PPP4R3A: variants seen among roughly 807,000 people sequenced by gnomAD.
PPP4R3A encodes serine/threonine-protein phosphatase 4 regulatory subunit 3A.
In PPP4R3A, 15 loss-of-function variants were observed where a neutral mutation model predicts 91.7. That is an observed-to-expected ratio of 0.16 (90% CI 0.11 to 0.25). PPP4R3A has a LOEUF of 0.25. PPP4R3A is among the 10% of genes least tolerant of loss of function. The pLI, the probability that PPP4R3A is intolerant of heterozygous loss-of-function variation, is 1.00. For synonymous variants in PPP4R3A, 377 were observed against 348.7 expected (o/e 1.08, Z -0.91); for missense variants, 623 against 998.4 (o/e 0.62, Z 5.07).
intron 1 of PPP4R3A, among the ~76,000 whole-genome samples, chr14:91,496,310 G>GT (rs1196554530): frequency 2.0e-5 from 3 of 152,072 alleles, no homozygotes; most frequent in African/African-American, 4.8e-5. Context: ...CAATTCAAAA[G>GT]TTTTTTTAAG....
At chr14:91,496,659 T>C (rs1424873405) in intron 1 of PPP4R3A, among the ~76,000 whole-genome samples, 1 of 152,182 alleles carries the variant, frequency 6.6e-6, no homozygotes, top group East Asian at 1.9e-4. Context: ...ATTCAGGATA[T>C]TAGAGGGAAG....
chr14:91,490,718 C>A, intron 2 of PPP4R3A, 29 bp downstream of exon 2: 2 of 1,576,596 alleles, frequency 1.3e-6, no homozygotes, highest in Non-Finnish European at 1.7e-6. Flanking sequence ...GGAAAATATG[C>A]AAGATAAAAC....
chr14:91,495,303 T>TGTGTGTGTGTGTGTGTGTGTGG (rs1890474086), intron 1 of PPP4R3A, among the ~76,000 whole-genome samples: 1 of 8,546 alleles, frequency 1.2e-4, no homozygotes, highest in African/African-American at 6.6e-4. Context: ...AGATACATAA[T>TGTGTGTGTGTGTGTGTGTGTGG]GTGTGTGTGT....
At chr14:91,471,129 T>G in intron 9 of PPP4R3A, 134 bp from the exon 10 acceptor site, 1 of 772,474 alleles carries the variant, frequency 1.3e-6, no homozygotes. Context: ...AGGAGGAAAT[T>G]AGCATTTACT....
At chr14:91,484,696 G>T (rs1595070780) in intron 3 of PPP4R3A, among the ~76,000 whole-genome samples, 1 of 152,188 alleles carries the variant, frequency 6.6e-6, no homozygotes, top group South Asian at 2.1e-4. Flanking sequence ...GCTAGTCTCA[G>T]AATTTGCATT....
At chr14:91,509,437 G>GC (rs923680378) in intron 1 of PPP4R3A, 69 bp downstream of exon 1, 7 of 1,529,292 alleles carry the variant, frequency 4.6e-6, no homozygotes, top group Non-Finnish European at 1.8e-6. Context: ...GCCATGCCCC[G>GC]CAAGAACCAG....
At chr14:91,486,220 G>A (rs544980957) in intron 2 of PPP4R3A, among the ~76,000 whole-genome samples, 2 of 151,080 alleles carry the variant, frequency 1.3e-5, no homozygotes, top group South Asian at 2.1e-4. Flanking sequence ...TTTGTAGTAC[G>A]TGAGCATTTA....
intron 1 of PPP4R3A, 59 bp downstream of exon 1, chr14:91,509,447 G>A: frequency 1.3e-6 from 2 of 1,537,140 alleles, no homozygotes; most frequent in South Asian, 1.2e-5. Context: ...GCAAGAACCA[G>A]GGAGGCGGCC....
Position 91,461,283 on chromosome 14 carries a change from T to C in PPP4R3A, c.2391+98A>G, listed in dbSNP as rs1888137568. On this transcript the variant is annotated intron_variant, in intron 14 of 14. Coordinates refer to ENST00000554943, the MANE Select transcript of PPP4R3A (RefSeq NM_001366432.2). Reference sequence around the variant, plus strand: ...CTCTAGTTCAGGGATGTTAAATCAGTTCTAGGTGGCAGTAACCAAAGGGAA... The same window carrying C: ...CTCTAGTTCAGGGATGTTAAATCAGCTCTAGGTGGCAGTAACCAAAGGGAA... 2.8e-6 allele frequency: 3 copies of C among 1,077,032 alleles called. No homozygotes were observed. In the South Asian group the frequency reaches 4.3e-5, roughly 15 times the overall value. The allele number at this position is 1,077,032 out of a possible 1,614,324, so 66.7% of individuals were successfully genotyped here. A position where few individuals can be genotyped will look rare whatever the true frequency, so the allele number is the denominator to read the frequency against.
chr14:91,509,564 C>A lies in PPP4R3A; in HGVS notation c.84G>T (p.Ser28=). Residue 28 remains serine, a synonymous_variant, in exon 1 of 15, where the codon TCG becomes TCT. Transcript: ENST00000554943. The part of the protein sequence containing the change: ...QWDDRGTGHV[S]SGYVERLKGM... ...CCTTCAGCCGCTCCACGTAGCCAGA[C>A]GACACATGCCCGGTGCCCCGGTCGT... The A allele has an allele frequency of 6.2e-7, 1 of 1,602,326 alleles. No homozygotes were observed. Among genetic ancestry groups the A allele is most frequent in the Non-Finnish European group, 8.5e-7 (1 of 1,178,732 alleles).
At chr14:91,466,540 T>A in intron 10 of PPP4R3A, 1 of 543,786 alleles carries the variant, frequency 1.8e-6, no homozygotes, top group Non-Finnish European at 2.3e-6. Flanking sequence ...GCAACTTATT[T>A]AAGAGTGTAT....
chr14:91,477,245 C>T (rs1350663695), intron 4 of PPP4R3A, among the ~76,000 whole-genome samples: 1 of 151,716 alleles, frequency 6.6e-6, no homozygotes, highest in Non-Finnish European at 1.5e-5. Flanking sequence ...ATCTCTACTA[C>T]GAGTACTCAA....
At chr14:91,479,821 C>A (rs1369770615) in intron 4 of PPP4R3A, among the ~76,000 whole-genome samples, 1 of 152,154 alleles carries the variant, frequency 6.6e-6, no homozygotes, top group African/African-American at 2.4e-5. Flanking sequence ...GGATTGTAGG[C>A]GTGAGCTACC....
At chr14:91,479,366 A>C (rs1160533904) in intron 4 of PPP4R3A, among the ~76,000 whole-genome samples, 1 of 151,314 alleles carries the variant, frequency 6.6e-6, no homozygotes, top group African/African-American at 2.4e-5. Context: ...TGTACTACAC[A>C]AACTTATTTT....
intron 1 of PPP4R3A, among the ~76,000 whole-genome samples, chr14:91,508,584 T>C (rs1891556650): frequency 6.6e-6 from 1 of 152,222 alleles, no homozygotes; most frequent in Non-Finnish European, 1.5e-5. Context: ...TGAAATTCAC[T>C]GTATATCGCC....
chr14:91,509,383 G>A lies in PPP4R3A; in HGVS notation c.142+123C>T, dbSNP rs551792081. ...TACCTGGGGCCCGTCCTCCCCCGAG[G>A]TGGCCGCCCTCCCCAGCCGTCCCTC... On this transcript the variant is annotated intron_variant, in intron 1 of 14. Transcript: ENST00000554943. 5.2e-3 allele frequency: 7,235 copies of A among 1,399,590 alleles called. 23 individuals are homozygous for A. The highest frequency in any genetic ancestry group is 6.3e-3 in the Non-Finnish European group (6,592 of 1,040,706). The allele number at this position is 1,399,590 out of a possible 1,614,324, so 86.7% of individuals were successfully genotyped here. A position where few individuals can be genotyped will look rare whatever the true frequency, so the allele number is the denominator to read the frequency against.
chr14:91,506,482 A>G (rs565380005), intron 1 of PPP4R3A, among the ~76,000 whole-genome samples: 3 of 152,318 alleles, frequency 2.0e-5, no homozygotes, highest in South Asian at 2.1e-4. Context: ...TGTGACAAGA[A>G]ATGTTAATCA....
At chr14:91,469,414 A>G (rs902292494) in intron 10 of PPP4R3A, among the ~76,000 whole-genome samples, 1 of 152,184 alleles carries the variant, frequency 6.6e-6, no homozygotes, top group Admixed American at 6.5e-5. Context: ...ATAAAAGAAC[A>G]AGTCAAAGAG....
In PPP4R3A at chr14:91,462,142, C is replaced by T. The variant is rs774139925; in HGVS notation, c.2071G>A (p.Glu691Lys). 3.7e-6 allele frequency: 6 copies of T among 1,608,268 alleles called. No homozygotes were observed. The highest frequency in any genetic ancestry group is 5.1e-6 in the Non-Finnish European group (6 of 1,178,058). ...GGAGACACTACAGCTTCTCCATCTT[C>T]CATGTCATCTTCATCTGTGTTAAAC... Reference protein sequence around the residue: ...MWFNTDEDDMEDGEAVVSPSD... With the variant: ...MWFNTDEDDMKDGEAVVSPSD... Residue 691 changes from glutamate (E) to lysine (K), a missense_variant, in exon 13 of 15, where the codon GAA becomes AAA. Coordinates refer to ENST00000554943, the MANE Select transcript of PPP4R3A (RefSeq NM_001366432.2).
Sources: allele counts gnomAD v4.1 joint callset (sites outside exome capture counted in the v4.1 genomes callset), GRCh38; gene constraint gnomAD v4.1.1; transcripts MANE v1.5; gene names NCBI Gene and HGNC (gene_info 2026-07-23, HGNC 2026-07-21).